Variants in ARHGEF3 observed in about 807,000 individuals in gnomAD.
ARHGEF3 encodes the protein 59.8 kDA protein.
In ARHGEF3, 28 loss-of-function variants were observed where a neutral mutation model predicts 63.2. That is an observed-to-expected ratio of 0.44 (90% CI 0.33 to 0.61). ARHGEF3 has a LOEUF of 0.61. ARHGEF3 is among the 20% of genes least tolerant of loss of function. ARHGEF3 has a pLI of 0.03. For synonymous variants in ARHGEF3, 266 were observed against 254.2 expected, an observed-to-expected ratio of 1.05 and a Z score of -0.44; for missense variants, 533 against 659.3, an observed-to-expected ratio of 0.81 and a Z score of 2.10.
At chr3:56,847,108 G>A (rs1205637129) in intron 4 of ARHGEF3, among the ~76,000 whole-genome samples, 2 of 152,174 alleles carry the variant, frequency 1.3e-5, no homozygotes, top group Non-Finnish European at 2.9e-5. Flanking sequence ...AGAATAGGGG[G>A]TGGAGGGGTT....
At chr3:56,955,340 A>G (rs1288109531) in intron 3 of ARHGEF3, among the ~76,000 whole-genome samples, 1 of 150,740 alleles carries the variant, frequency 6.6e-6, no homozygotes, top group Non-Finnish European at 1.5e-5. Context: ...GGACTACAGG[A>G]ATAGGTCATC....
At chr3:56,870,271 A>G (rs563639669) in intron 4 of ARHGEF3, among the ~76,000 whole-genome samples, 2 of 152,328 alleles carry the variant, frequency 1.3e-5, no homozygotes, top group South Asian at 4.1e-4. Context: ...TCTATACAAT[A>G]AAATATTTTT....
At chr3:57,031,402 C>G (rs1029422865) in intron 2 of ARHGEF3, among the ~76,000 whole-genome samples, 7 of 152,112 alleles carry the variant, frequency 4.6e-5, no homozygotes, top group Non-Finnish European at 8.8e-5. Flanking sequence ...CAAAAAATGC[C>G]GTCTTTACTG....
chr3:56,756,693 G>A (rs1335682912), intron 2 of ARHGEF3, among the ~76,000 whole-genome samples: 2 of 152,040 alleles, frequency 1.3e-5, no homozygotes, highest in Non-Finnish European at 2.9e-5. Context: ...GGGCCTACAG[G>A]CGCCCGCCAC....
chr3:56,966,036 T>C (rs1700480765), intron 2 of ARHGEF3, among the ~76,000 whole-genome samples: 1 of 152,154 alleles, frequency 6.6e-6, no homozygotes, highest in Non-Finnish European at 1.5e-5. Flanking sequence ...ATCCAAGTTA[T>C]AGGAGATATA....
chr3:56,916,366 G>C, intron 3 of ARHGEF3: 1 of 1,534,042 alleles, frequency 6.5e-7, no homozygotes, highest in Non-Finnish European at 8.7e-7. Flanking sequence ...TCATCCACCC[G>C]GACTCACCGG....
intron 2 of ARHGEF3, among the ~76,000 whole-genome samples, chr3:56,998,396 G>A (rs560803684): frequency 2.4e-4 from 36 of 149,492 alleles, no homozygotes; most frequent in African/African-American, 7.9e-4. Context: ...TTCTCTTCCC[G>A]GTCATCCTGA....
At chr3:56,988,558 G>A (rs1441808522) in intron 2 of ARHGEF3, among the ~76,000 whole-genome samples, 1 of 152,140 alleles carries the variant, frequency 6.6e-6, no homozygotes, top group Non-Finnish European at 1.5e-5. Flanking sequence ...AAAGTATGTT[G>A]GCAGGGAGAG....
At position 56,755,102 on chromosome 3, in the gene ARHGEF3, C is replaced by CGGG; in HGVS notation, c.251_253dup (p.Pro84dup). 6.2e-7 allele frequency: 1 copy of CGGG among 1,613,842 alleles called. No individual in the cohort carries two copies. The highest frequency in any genetic ancestry group is 8.5e-7 in the Non-Finnish European group (1 of 1,179,994). On this transcript the variant is annotated inframe_insertion, in exon 3 of 10. Coordinates refer to ENST00000296315, the MANE Select transcript of ARHGEF3 (RefSeq NM_019555.3). Reference sequence around the variant, plus strand: ...GGGGGCGGCATTTCTGGACCAGGGTCGGGGGGCGAGGATGTCAGGGCGGCT... The same window carrying CGGG: ...GGGGGCGGCATTTCTGGACCAGGGTCGGGGGGGGGCGAGGATGTCAGGGCGGCT...
chr3:56,970,828 C>G (rs1419915932), intron 2 of ARHGEF3, among the ~76,000 whole-genome samples: 1 of 152,250 alleles, frequency 6.6e-6, no homozygotes, highest in Admixed American at 6.5e-5. Flanking sequence ...AGCACAGAAG[C>G]TGGAGCCGGC....
chr3:56,863,479 TA>T (rs1578706435), intron 4 of ARHGEF3, among the ~76,000 whole-genome samples: 2 of 151,988 alleles, frequency 1.3e-5, no homozygotes, highest in East Asian at 1.9e-4. Flanking sequence ...TTCATATTTT[TA>T]CTAGAGATGG....
intron 3 of ARHGEF3, among the ~76,000 whole-genome samples, chr3:56,920,949 G>A (rs2042114497): frequency 6.6e-6 from 1 of 151,476 alleles, no homozygotes; most frequent in East Asian, 1.9e-4. Flanking sequence ...CAGCTACTCA[G>A]GAGGCTGAGG....
upstream of ARHGEF3, among the ~76,000 whole-genome samples, chr3:56,802,621 T>C (rs955145757): frequency 7.2e-5 from 11 of 152,120 alleles, no homozygotes; most frequent in Non-Finnish European, 8.8e-5. Context: ...GCACCAACTT[T>C]TAAATTTGAC....
intron 3 of ARHGEF3, among the ~76,000 whole-genome samples, chr3:56,937,471 G>A (rs763827838): frequency 6.6e-6 from 1 of 152,098 alleles, no homozygotes; most frequent in Non-Finnish European, 1.5e-5. Flanking sequence ...AATTCTAGAT[G>A]GTGAGTGTTT....
At chr3:56,959,710 G>A (rs1363097292) in intron 2 of ARHGEF3, among the ~76,000 whole-genome samples, 3 of 152,284 alleles carry the variant, frequency 2.0e-5, no homozygotes, top group Admixed American at 1.3e-4. Flanking sequence ...AGGTGCGGTG[G>A]CTCACGTCTG....
intron 1 of ARHGEF3, among the ~76,000 whole-genome samples, chr3:56,774,321 AAAG>A (rs2107843164): frequency 6.6e-6 from 1 of 152,330 alleles, no homozygotes; most frequent in South Asian, 2.1e-4. Context: ...AAAATTTAAA[AAAG>A]AAGTTCTATT....
intron 6 of ARHGEF3, among the ~76,000 whole-genome samples, chr3:56,745,798 A>C (rs777168840): frequency 4.6e-5 from 7 of 152,044 alleles, no homozygotes; most frequent in Non-Finnish European, 8.8e-5. Flanking sequence ...CAGCCTCCTG[A>C]GTAGCTGGGA....
intron 1 of ARHGEF3, among the ~76,000 whole-genome samples, chr3:56,777,564 T>C (rs879482837): frequency 1.2e-4 from 18 of 152,228 alleles, no homozygotes; most frequent in African/African-American, 3.9e-4. Context: ...GCAGACTATA[T>C]GCAATGTAAG....
intron 3 of ARHGEF3, among the ~76,000 whole-genome samples, chr3:56,948,359 C>T (rs1699624411): frequency 6.6e-6 from 1 of 151,922 alleles, no homozygotes; most frequent in South Asian, 2.1e-4. Flanking sequence ...TTGAAAAGAT[C>T]AACAAAATTG....
Sources: allele counts gnomAD v4.1 joint callset (sites outside exome capture counted in the v4.1 genomes callset), GRCh38; gene constraint gnomAD v4.1.1; transcripts MANE v1.5; gene names NCBI Gene and HGNC (gene_info 2026-07-23, HGNC 2026-07-21).